SEC31B: variants seen among roughly 807,000 people sequenced by gnomAD.
The protein encoded by SEC31B is SEC31 homolog B, COPII component.
SEC31B carries 113 observed loss-of-function variants against 135.0 expected under a neutral mutation model. The observed-to-expected ratio is 0.84, with a 90% CI of 0.72 to 0.98. The LOEUF is 0.98. Ranked by LOEUF, SEC31B falls within the 50% of genes least tolerant of loss-of-function variation. The pLI is 0.00. For missense variants in SEC31B, 1,296 were observed against 1,421.1 expected (o/e 0.91, Z 1.42); for synonymous variants, 508 against 549.4 (o/e 0.92, Z 1.05).
intron 17 of SEC31B, 123 bp from the exon 18 acceptor site, chr10:100,496,554 G>T: frequency 2.0e-6 from 2 of 979,646 alleles, no homozygotes; most frequent in South Asian, 3.4e-5. Flanking sequence ...CCATACCTAG[G>T]TGAAGGCAGC....
At position 100,495,550 on chromosome 10, in the gene SEC31B, TAAG is replaced by T; in HGVS notation, c.2311-7_2311-5del. The T allele has an allele frequency of 1.2e-6, 2 of 1,611,068 alleles. No homozygotes were observed. Among genetic ancestry groups the T allele is most frequent in the Non-Finnish European group, 1.7e-6 (2 of 1,178,814 alleles). On this transcript the variant is annotated splice_polypyrimidine_tract_variant and splice_region_variant and intron_variant, in intron 18 of 25. Transcript: ENST00000370345. ...CTCTTAGCTGCTGAACTGGTGGCTA[TAAG>T]TTTTAATGAGGAAGAGCTGTGTCAA...
At chr10:100,519,617 G>A (rs1302453424) in intron 1 of SEC31B, among the ~76,000 whole-genome samples, 165 bp downstream of exon 1, 1 of 152,254 alleles carries the variant, frequency 6.6e-6, no homozygotes, top group Non-Finnish European at 1.5e-5. Context: ...AAGGGTAGAC[G>A]TAGTGGAGGC....
chr10:100,507,414 T>A lies in SEC31B; in HGVS notation c.782+11A>T, dbSNP rs768134374. Reference sequence around the variant, plus strand: ...TCCCCCCAAGGATATGGATGACGTCTGAGATGCTACCTGCTGTGGCTCTCC... The same window carrying A: ...TCCCCCCAAGGATATGGATGACGTCAGAGATGCTACCTGCTGTGGCTCTCC... On this transcript the variant is annotated intron_variant, in intron 7 of 25. Transcript: ENST00000370345. The A allele has an allele frequency of 6.2e-7, 1 of 1,614,152 alleles. No individual in the cohort carries two copies. Among genetic ancestry groups the A allele is most frequent in the Non-Finnish European group, 8.5e-7 (1 of 1,179,980 alleles).
chr10:100,505,501 G>A lies in SEC31B; in HGVS notation c.1045-6C>T. On this transcript the variant is annotated splice_polypyrimidine_tract_variant and splice_region_variant and intron_variant, in intron 9 of 25. Coordinates refer to ENST00000370345, the MANE Select transcript of SEC31B (RefSeq NM_015490.4). ...TTGCTGAAGGAAGAGGAGATCTGGG[G>A]GGAAAAGACACCTGCATCGCCATCC... 6.6e-7 allele frequency: 1 copy of A among 1,519,008 alleles called. No homozygotes were observed. The highest frequency in any genetic ancestry group is 8.8e-7 in the Non-Finnish European group (1 of 1,139,532). The allele number at this position is 1,519,008 out of a possible 1,614,324, so 94.1% of individuals were successfully genotyped here. A position where few individuals can be genotyped will look rare whatever the true frequency, so the allele number is the denominator to read the frequency against.
At chr10:100,505,942 C>T (rs1851621474) in intron 9 of SEC31B, 98 bp downstream of exon 9, 1 of 1,571,718 alleles carries the variant, frequency 6.4e-7, no homozygotes, top group African/African-American at 1.3e-5. Context: ...GCCCTGGTCT[C>T]CCAATCTCCA....
intron 19 of SEC31B, among the ~76,000 whole-genome samples, chr10:100,493,859 G>A (rs1011238312): frequency 3.3e-5 from 5 of 152,106 alleles, no homozygotes; most frequent in Non-Finnish European, 7.4e-5. Context: ...GACACGGGGC[G>A]GGGTGTTGTT....
At chr10:100,488,390 C>T (rs979862193) in intron 24 of SEC31B, among the ~76,000 whole-genome samples, 6 of 145,212 alleles carry the variant, frequency 4.1e-5, no homozygotes, top group Non-Finnish European at 7.4e-5. Context: ...ACCCGGGAGG[C>T]AGAGCTTGCA....
chr10:100,509,260 C>G, intron 4 of SEC31B, 56 bp downstream of exon 4: 4 of 1,557,428 alleles, frequency 2.6e-6, no homozygotes, highest in Non-Finnish European at 2.6e-6. Context: ...TGAATGCTTC[C>G]ACTCAGATCT....
intron 19 of SEC31B, among the ~76,000 whole-genome samples, chr10:100,491,981 T>C (rs1003348382): frequency 3.3e-5 from 5 of 152,246 alleles, no homozygotes; most frequent in African/African-American, 1.2e-4. Flanking sequence ...CCATACCTGC[T>C]GGTGCCTTGA....
chr10:100,488,458 CAAAAAAAAAAAA>C (rs5787387), intron 24 of SEC31B, among the ~76,000 whole-genome samples: 1 of 97,202 alleles, frequency 1.0e-5, no homozygotes, highest in South Asian at 3.5e-4. Context: ...GACTCCATCT[CAAAAAAAAAAAA>C]AAAAAAAAAT....
intron 12 of SEC31B, 93 bp from the exon 13 acceptor site, chr10:100,499,351 C>G: frequency 8.8e-7 from 1 of 1,141,024 alleles, no homozygotes; most frequent in South Asian, 1.3e-5. Flanking sequence ...ACCAACTGTA[C>G]TCTCTAAGAT....
chr10:100,487,648 C>G lies in SEC31B; in HGVS notation c.3508G>C (p.Val1170Leu). ...VSSFMPILKA[V>L]LIIAHKLLV ...AGCAGCTTATGAGCGATGATGAGGA[C>G]AGCCTTCAGGATAGGCATGAAGCTG... is the stretch of plus-strand genomic sequence containing the variant. Residue 1170 changes from valine to leucine, a missense_variant, in exon 26 of 26, where the codon GTC (valine) becomes CTC (leucine). Coordinates refer to ENST00000370345, the MANE Select transcript of SEC31B (RefSeq NM_015490.4). The G allele has an allele frequency of 1.2e-6, 2 of 1,613,482 alleles. No homozygotes were observed. Among genetic ancestry groups the G allele is most frequent in the Non-Finnish European group, 1.7e-6 (2 of 1,179,764 alleles).
In SEC31B at chr10:100,487,726, C is replaced by T. The variant is rs774624865; in HGVS notation, c.3430G>A (p.Gly1144Ser). The stretch of plus-strand genomic sequence containing the variant: ...GCCACCTGGGCATGCACTGCAAGGC[C>T]CTGCTCAAAGCTTCCTGCATCCACA... ...RCVDAGSFEQ[G>S]LAVHAQVAGC... The change falls in exon 26 of 26, where the codon GGC becomes AGC. Residue 1144 changes from glycine (G) to serine (S), a missense_variant. By Grantham distance (56) the Gly-to-Ser change is moderately conservative. Transcript: ENST00000370345. 3 of 1,614,010 alleles carry T rather than the reference C, an allele frequency of 1.9e-6. No individual in the cohort carries two copies. The highest frequency in any genetic ancestry group is 2.2e-5 in the South Asian group (2 of 91,030).
rs1031682004 is a variant in SEC31B, at chr10:100,493,914, G to C, written c.2472+1471C>G. On this transcript the variant is annotated intron_variant, in intron 19 of 25. Transcript: ENST00000370345. The stretch of plus-strand genomic sequence containing the variant: ...AGTACATTTCTTTGCCACCTCCTGT[G>C]AATCTATGGTTATTTTTAAATGAAA... Among the ~76,000 whole-genome samples, 5 of 149,162 alleles carry C rather than the reference G, an allele frequency of 3.4e-5. No individual in the cohort carries two copies. In the East Asian group the frequency reaches 1.0e-3, roughly 31 times the overall value.
chr10:100,496,137 G>T (rs780150937), intron 18 of SEC31B, 121 bp downstream of exon 18: 144 of 1,049,612 alleles, frequency 1.4e-4, no homozygotes, highest in Middle Eastern at 1.1e-3. Context: ...GTGCTTAAGG[G>T]ATTCCATCTT....
In SEC31B at chr10:100,496,434, G is replaced by C; in HGVS notation, c.2137-3C>G. On this transcript the variant is annotated splice_polypyrimidine_tract_variant and splice_region_variant and intron_variant, in intron 17 of 25. Coordinates refer to ENST00000370345, the MANE Select transcript of SEC31B (RefSeq NM_015490.4). ...ACCATCACCTTCTCCATCAGGTCCT[G>C]TAAGGGCAAGGATGAGGGTGGTAAG... 1 of 1,614,056 alleles carries C rather than the reference G, an allele frequency of 6.2e-7. No individual in the cohort carries two copies. Among genetic ancestry groups the C allele is most frequent in the Non-Finnish European group, 8.5e-7 (1 of 1,179,962 alleles).
chr10:100,501,202 G>A lies in SEC31B; in HGVS notation c.1410+1052C>T, dbSNP rs569075825. 7.9e-5 allele frequency among the ~76,000 whole-genome samples: 12 copies of A among 152,206 alleles called. No homozygotes were observed. The East Asian group carries it at 2.3e-3, about 29-fold the overall frequency. On this transcript the variant is annotated intron_variant, in intron 11 of 25. Transcript: ENST00000370345. ...AGAAGTTGCAGTAAGCCAAGATCAT[G>A]CCATTGTACTCCAGCCTGAGCGACA... is the stretch of plus-strand genomic sequence containing the variant.
rs59172062 is a variant in SEC31B, at chr10:100,516,648, C to CAA, written c.79+224_79+225dup. ...TGAGCGACAGAGTGAGACTCTGTCT[C>CAA]AAAAAAAAAAAAAAAAAAAAAAAAA... On this transcript the variant is annotated intron_variant, in intron 2 of 25. Coordinates refer to ENST00000370345, the MANE Select transcript of SEC31B (RefSeq NM_015490.4). Among the ~76,000 whole-genome samples the CAA allele has an allele frequency of 6.2e-3, 290 of 46,738 alleles. 3 individuals carry two copies. Among genetic ancestry groups the CAA allele is most frequent in the Middle Eastern group, 8.9e-3 (1 of 112 alleles). 30.7% of individuals were successfully genotyped at this position (46,738 alleles called of 152,430 possible).
intron 22 of SEC31B, 148 bp downstream of exon 22, chr10:100,489,555 G>T (rs1486696419): frequency 6.6e-6 from 9 of 1,373,890 alleles, no homozygotes; most frequent in Non-Finnish European, 9.1e-6. Context: ...GAGGGAAAGA[G>T]AAAGAAGAGG....
Sources: allele counts gnomAD v4.1 joint callset (sites outside exome capture counted in the v4.1 genomes callset), GRCh38; gene constraint gnomAD v4.1.1; transcripts MANE v1.5; gene names NCBI Gene and HGNC (gene_info 2026-07-23, HGNC 2026-07-21).